The following CHTF8 variants were observed in gnomAD, a reference collection of about 807,000 sequenced individuals.
CHTF8 encodes chromosome transmission fidelity protein 8 homolog.
CHTF8 carries 6 observed loss-of-function variants against 11.0 expected under a neutral mutation model. The observed-to-expected ratio is 0.55, with a 90% CI of 0.30 to 1.08. The LOEUF is 1.08. CHTF8 is among the 50% of genes least tolerant of loss of function. The pLI is 0.07. For synonymous variants in CHTF8, 53 were observed against 60.5 expected, an observed-to-expected ratio of 0.88 and a Z score of 0.57; for missense variants, 140 against 153.1, an observed-to-expected ratio of 0.91 and a Z score of 0.45.
Position 69,132,463 on chromosome 16 carries a change from GC to G in CHTF8, c.-36+20del, listed in dbSNP as rs372312836. 1 of 207,996 alleles carries G rather than the reference GC, an allele frequency of 4.8e-6. No individual in the cohort carries two copies. Among genetic ancestry groups the G allele is most frequent in the Admixed American group, 6.2e-5 (1 of 16,152 alleles). The allele number at this position is 207,996 out of a possible 1,614,324, so 12.9% of individuals were successfully genotyped here. ...GCCCTCGCTCCCCGCAGCCTCCCGT[GC>G]CCCCCGCCCGCGGCCTGACCTGCAA... On this transcript the variant is annotated intron_variant, in intron 1 of 3. Transcript: ENST00000448552.
chr16:69,120,122 T>C lies in CHTF8; in HGVS notation c.*303A>G, dbSNP rs1230758633. On this transcript the variant is annotated 3_prime_UTR_variant, in exon 4 of 4. Coordinates refer to ENST00000448552, the MANE Select transcript of CHTF8 (RefSeq NM_001039690.5). This position sits in a 1 kb window ranked among gnomAD's most constrained non-coding sequence, Gnocchi z 4.0. ...GAAACTGCACCTGTGCCAGTGGGAT[T>C]CATCCCTCTTGGAAAAGAAGCCATA... The C allele has an allele frequency of 1.4e-6, 1 of 701,158 alleles. No homozygotes were observed. The highest frequency in any genetic ancestry group is 2.6e-6 in the Non-Finnish European group (1 of 384,816). The allele number at this position is 701,158 out of a possible 1,614,324, so 43.4% of individuals were successfully genotyped here.
intron 1 of CHTF8, among the ~76,000 whole-genome samples, chr16:69,127,181 T>G (rs1962127282): frequency 6.7e-6 from 1 of 149,916 alleles, no homozygotes; most frequent in Non-Finnish European, 1.5e-5. Flanking sequence ...GAGGCTGCAG[T>G]GAGCTGAGAT....
intron 1 of CHTF8, among the ~76,000 whole-genome samples, chr16:69,127,969 C>G (rs189070317): frequency 6.6e-6 from 1 of 151,380 alleles, no homozygotes; most frequent in Admixed American, 6.6e-5. Context: ...GGCTGGAGTG[C>G]AGTGGCGCAA....
intron 1 of CHTF8, among the ~76,000 whole-genome samples, chr16:69,123,925 T>TAAAA (rs757493986): frequency 3.1e-4 from 24 of 76,932 alleles, no homozygotes; most frequent in South Asian, 5.0e-4. Flanking sequence ...CCATCTCTAC[T>TAAAA]AAAAAAAAAA....
intron 1 of CHTF8, among the ~76,000 whole-genome samples, chr16:69,128,932 C>T (rs757998510): frequency 6.6e-6 from 1 of 152,032 alleles, no homozygotes; most frequent in African/African-American, 2.4e-5. Context: ...GGCATGGTGG[C>T]GCTCACCTGT....
At position 69,119,932 on chromosome 16, in the gene CHTF8, C is replaced by T; in HGVS notation, c.*493G>A. 2.8e-6 allele frequency: 2 copies of T among 702,312 alleles called. No homozygotes were observed. Among genetic ancestry groups the T allele is most frequent in the Non-Finnish European group, 5.2e-6 (2 of 384,584 alleles). The allele number at this position is 702,312 out of a possible 1,614,324, so 43.5% of individuals were successfully genotyped here. On this transcript the variant is annotated 3_prime_UTR_variant, in exon 4 of 4. Transcript: ENST00000448552. ...ACCACCTCTGGGGTCAGGACCTGCTCCCAGGAGACCACCTGCCCTTGGGTT... is the reference window on the plus strand; with the variant it reads ...ACCACCTCTGGGGTCAGGACCTGCTTCCAGGAGACCACCTGCCCTTGGGTT...
rs532543479 is a variant in CHTF8, at chr16:69,122,897, T to C, written c.-35-1404A>G. On this transcript the variant is annotated intron_variant, in intron 1 of 3. Transcript: ENST00000448552. ...TTTCACCATGTTAGCCAGGCTGGTC[T>C]CAAACTCCTGACCTCAGGTGATCCA... is the stretch of plus-strand genomic sequence containing the variant. Among the ~76,000 whole-genome samples the C allele has an allele frequency of 2.0e-5, 3 of 152,206 alleles. No homozygotes were observed. In the East Asian group the frequency reaches 5.8e-4, roughly 29 times the overall value.
chr16:69,118,810 C>T lies in CHTF8; in HGVS notation c.*1615G>A. Reference sequence around the variant, plus strand: ...ACCTAAGACAGCCCCTGCCAAGAACCACAGTGCCTAGAAACCAAGGTGGTC... The same window carrying T: ...ACCTAAGACAGCCCCTGCCAAGAACTACAGTGCCTAGAAACCAAGGTGGTC... On this transcript the variant is annotated 3_prime_UTR_variant, in exon 4 of 4. Transcript: ENST00000448552. The T allele has an allele frequency of 1.5e-6, 1 of 671,416 alleles. No homozygotes were observed. Among genetic ancestry groups the T allele is most frequent in the African/African-American group, 1.8e-5 (1 of 56,524 alleles). The allele number at this position is 671,416 out of a possible 1,614,324, so 41.6% of individuals were successfully genotyped here.
chr16:69,118,341 G>A lies in CHTF8; in HGVS notation c.*2084C>T, dbSNP rs771645177. The stretch of plus-strand genomic sequence containing the variant: ...CTTTGAAGTGGTTGTCCATCTCCCT[G>A]TTCTGTGTTCAAGCCCCCAGGGAAA... On this transcript the variant is annotated 3_prime_UTR_variant, in exon 4 of 4. Coordinates refer to ENST00000448552, the MANE Select transcript of CHTF8 (RefSeq NM_001039690.5). 3.5e-5 allele frequency: 54 copies of A among 1,523,764 alleles called. No homozygotes were observed. The East Asian group carries it at 1.2e-3, about 34-fold the overall frequency. 94.4% of individuals were successfully genotyped at this position (1,523,764 alleles called of 1,614,324 possible).
chr16:69,123,693 C>G (rs1317517145), intron 1 of CHTF8, among the ~76,000 whole-genome samples: 1 of 152,086 alleles, frequency 6.6e-6, no homozygotes, highest in East Asian at 1.9e-4. Flanking sequence ...TGAGAAAGTC[C>G]TCCAACATCT....
chr16:69,121,448 A>G lies in CHTF8; in HGVS notation c.11T>C (p.Ile4Thr), dbSNP rs1437380429. Reference sequence around the variant, plus strand: ...AAAATGTACTTACCTGGAAATAACAATTTGCACCATGAGCTTTCTGTCTTT... The same window carrying G: ...AAAATGTACTTACCTGGAAATAACAGTTTGCACCATGAGCTTTCTGTCTTT... MVQ[I>T]VISSARAGGL... Residue 4 changes from isoleucine to threonine, a missense_variant, in exon 2 of 4, where the codon ATT (isoleucine) becomes ACT (threonine). Physicochemically the swap from Ile to Thr is moderately conservative, Grantham distance 89. Coordinates refer to ENST00000448552, the MANE Select transcript of CHTF8 (RefSeq NM_001039690.5). 1 of 1,606,926 alleles carries G rather than the reference A, an allele frequency of 6.2e-7. No individual in the cohort carries two copies. Among genetic ancestry groups the G allele is most frequent in the Non-Finnish European group, 8.5e-7 (1 of 1,178,170 alleles).
Position 69,128,209 on chromosome 16 carries a change from G to A in CHTF8, c.-36+4275C>T, listed in dbSNP as rs569866801. 2.6e-5 allele frequency among the ~76,000 whole-genome samples: 4 copies of A among 152,296 alleles called. No homozygotes were observed. In the East Asian group the frequency reaches 5.8e-4, roughly 22 times the overall value. Reference sequence around the variant, plus strand: ...ATTACAGGCGTGAACCACAGCGCCCGGCTAACTATCTCTTAAGAGCAGAGT... The same window carrying A: ...ATTACAGGCGTGAACCACAGCGCCCAGCTAACTATCTCTTAAGAGCAGAGT... On this transcript the variant is annotated intron_variant, in intron 1 of 3. Coordinates refer to ENST00000448552, the MANE Select transcript of CHTF8 (RefSeq NM_001039690.5).
intron 1 of CHTF8, among the ~76,000 whole-genome samples, chr16:69,122,584 A>G (rs964682884): frequency 4.1e-5 from 6 of 144,986 alleles, no homozygotes; most frequent in Non-Finnish European, 9.0e-5. Flanking sequence ...TGTGTCACCC[A>G]GGCTGGAGTG....
At position 69,127,239 on chromosome 16, in the gene CHTF8, CAAAAA is replaced by C. The variant is rs532264036; in HGVS notation, c.-36+5240_-36+5244del. On this transcript the variant is annotated intron_variant, in intron 1 of 3. Coordinates refer to ENST00000448552, the MANE Select transcript of CHTF8 (RefSeq NM_001039690.5). ...GGCAACAAAGAGCAAAACTCCGTCT[CAAAAA>C]AAAAAAAAAGCATATGAGAACATGC... is the stretch of plus-strand genomic sequence containing the variant. 4.2e-3 allele frequency among the ~76,000 whole-genome samples: 457 copies of C among 108,816 alleles called. 2 individuals carry two copies. The highest frequency in any genetic ancestry group is 0.015 in the African/African-American group (437 of 29,360). The allele number at this position is 108,816 out of a possible 152,430, so 71.4% of individuals were successfully genotyped here. A position where few individuals can be genotyped will look rare whatever the true frequency, so the allele number is the denominator to read the frequency against.
chr16:69,124,818 A>G (rs1005278027), intron 1 of CHTF8, among the ~76,000 whole-genome samples: 1 of 152,166 alleles, frequency 6.6e-6, no homozygotes, highest in Admixed American at 6.5e-5. Context: ...CTTTACTGGT[A>G]TGTTAATCTT....
Position 69,118,374 on chromosome 16 carries a change from C to T in CHTF8, c.*2051G>A. 2 of 1,609,080 alleles carry T rather than the reference C, an allele frequency of 1.2e-6. No homozygotes were observed. The highest frequency in any genetic ancestry group is 1.7e-6 in the Non-Finnish European group (2 of 1,175,452). On this transcript the variant is annotated 3_prime_UTR_variant, in exon 4 of 4. Coordinates refer to ENST00000448552, the MANE Select transcript of CHTF8 (RefSeq NM_001039690.5). ...TTCAAGCCCCCAGGGAAAGGTATGG[C>T]AGTAGAGGATGACCAGGTCCAAGCT...
chr16:69,124,417 A>C (rs995835069), intron 1 of CHTF8, among the ~76,000 whole-genome samples: 1 of 152,074 alleles, frequency 6.6e-6, no homozygotes, highest in African/African-American at 2.4e-5. Context: ...TTAAAATGTT[A>C]AACAGATTTT....
At chr16:69,131,266 T>A (rs750947692) in intron 1 of CHTF8, 1 of 152,174 alleles carries the variant, frequency 6.6e-6, no homozygotes, top group Non-Finnish European at 1.5e-5. Context: ...CATCACATTT[T>A]AGGATTCCCA....
At chr16:69,126,425 T>C (rs557702085) in intron 1 of CHTF8, among the ~76,000 whole-genome samples, 1 of 152,334 alleles carries the variant, frequency 6.6e-6, no homozygotes, top group African/African-American at 2.4e-5. Context: ...CATGCCTCAA[T>C]AACAATGCAC....
Sources: allele counts gnomAD v4.1 joint callset (sites outside exome capture counted in the v4.1 genomes callset), GRCh38; gene constraint gnomAD v4.1.1; non-coding constraint Gnocchi (gnomAD v3.1); transcripts MANE v1.5; gene names NCBI Gene and HGNC (gene_info 2026-07-23, HGNC 2026-07-21).